Variants in TENM4 observed in about 807,000 individuals in gnomAD.
The protein encoded by TENM4 is teneurin transmembrane protein 4.
A neutral mutation model predicts 243.3 loss-of-function variants in TENM4; 82 were observed. That is an observed-to-expected ratio of 0.34 (90% CI 0.28 to 0.40). The LOEUF is 0.40. Ranked by LOEUF, TENM4 falls within the 10% of genes least tolerant of loss-of-function variation. The pLI is 1.00. For synonymous variants in TENM4, 1,412 were observed against 1,456.3 expected (o/e 0.97, Z 0.69); for missense variants, 3,138 against 3,673.3 (o/e 0.85, Z 3.77).
chr11:79,143,130 G>C (rs1398226924), intron 4 of TENM4, among the ~76,000 whole-genome samples: 2 of 152,078 alleles, frequency 1.3e-5, no homozygotes, highest in African/African-American at 2.4e-5. Context: ...ATTCCTCAAG[G>C]ATCTAGAACT....
At chr11:78,855,884 G>T in intron 11 of TENM4, 80 bp downstream of exon 11, 1 of 1,364,208 alleles carries the variant, frequency 7.3e-7, no homozygotes, top group Non-Finnish European at 1.0e-6. Context: ...TTAAGGCTCT[G>T]GATTGGGCTT....
chr11:78,691,258 C>T (rs2135732175), intron 28 of TENM4, among the ~76,000 whole-genome samples: 1 of 152,342 alleles, frequency 6.6e-6, no homozygotes, highest in South Asian at 2.1e-4. Flanking sequence ...GTTCTGCCAC[C>T]TGCCAGCAGC....
At chr11:78,884,893 T>C (rs1347489404) in intron 9 of TENM4, among the ~76,000 whole-genome samples, 4 of 152,178 alleles carry the variant, frequency 2.6e-5, no homozygotes, top group African/African-American at 2.4e-5. Context: ...TCCTCATCTG[T>C]CAATTGCGAA....
At chr11:79,127,674 G>A (rs949578851) in intron 4 of TENM4, among the ~76,000 whole-genome samples, 1 of 152,156 alleles carries the variant, frequency 6.6e-6, no homozygotes, top group African/African-American at 2.4e-5. Flanking sequence ...GCTTCAGCAG[G>A]ATATCACACT....
intron 4 of TENM4, among the ~76,000 whole-genome samples, chr11:79,084,600 C>A (rs971160887): frequency 6.6e-6 from 1 of 151,916 alleles, no homozygotes; most frequent in Admixed American, 6.6e-5. Context: ...CATAGCCAAT[C>A]GCCAAAGCTT....
intron 6 of TENM4, among the ~76,000 whole-genome samples, chr11:79,024,875 G>A (rs753246935): frequency 1.3e-5 from 2 of 152,214 alleles, no homozygotes; most frequent in Non-Finnish European, 2.9e-5. Flanking sequence ...ACACCAGAAA[G>A]CAATGGGTCT....
At chr11:79,166,682 A>T (rs1862922567) in intron 3 of TENM4, among the ~76,000 whole-genome samples, 1 of 152,246 alleles carries the variant, frequency 6.6e-6, no homozygotes, top group African/African-American at 2.4e-5. Flanking sequence ...TGGGAACTGC[A>T]TTCAGTCGGT....
At chr11:79,066,683 C>T (rs1202668562) in intron 5 of TENM4, among the ~76,000 whole-genome samples, 5 of 150,914 alleles carry the variant, frequency 3.3e-5, no homozygotes, top group Admixed American at 1.3e-4. Context: ...CACACACGCA[C>T]GCATGCACAC....
At chr11:78,841,098 C>A (rs1215543644) in intron 12 of TENM4, among the ~76,000 whole-genome samples, 1 of 152,144 alleles carries the variant, frequency 6.6e-6, no homozygotes, top group African/African-American at 2.4e-5. Context: ...CTATTACATG[C>A]CAGGCACTGT....
Position 79,404,090 on chromosome 11 carries a change from C to T in TENM4, c.-321+36419G>A, listed in dbSNP as rs574163563. On this transcript the variant is annotated intron_variant, in intron 1 of 33. Coordinates refer to ENST00000278550, the MANE Select transcript of TENM4 (RefSeq NM_001098816.3). ...GGACCTTGACCCTCCGCTGAAGCTG[C>T]TGCCCTCATGGCAAAGCTTCTTACA... Among the ~76,000 whole-genome samples, 178 of 152,386 alleles carry T rather than the reference C, an allele frequency of 1.2e-3. 2 individuals carry two copies. Among genetic ancestry groups the T allele is most frequent in the African/African-American group, 4.1e-3 (170 of 41,602 alleles).
At chr11:79,215,977 C>A in intron 2 of TENM4, 68 bp from the exon 3 acceptor site, 1 of 434,356 alleles carries the variant, frequency 2.3e-6, no homozygotes, top group South Asian at 9.6e-5. Context: ...TTCTCACAGA[C>A]CCTCCGCTCC....
intron 27 of TENM4, among the ~76,000 whole-genome samples, chr11:78,704,157 GTCTA>G (rs1293242528): frequency 5.7e-5 from 4 of 70,536 alleles, no homozygotes; most frequent in African/African-American, 2.4e-4. Flanking sequence ...ATGTATGTGT[GTCTA>G]TATATATATA....
At chr11:78,730,167 T>C (rs1309922363) in intron 21 of TENM4, among the ~76,000 whole-genome samples, 1 of 152,194 alleles carries the variant, frequency 6.6e-6, no homozygotes, top group Non-Finnish European at 1.5e-5. Context: ...ATAGGTAAAG[T>C]GCCTAGCACA....
intron 18 of TENM4, among the ~76,000 whole-genome samples, chr11:78,761,461 G>A (rs1454120890): frequency 1.3e-5 from 2 of 151,992 alleles, no homozygotes; most frequent in African/African-American, 2.4e-5. Flanking sequence ...GGATGGTCTC[G>A]ATCTCCTGAC....
intron 3 of TENM4, among the ~76,000 whole-genome samples, chr11:79,183,160 T>C (rs184775878): frequency 6.6e-6 from 1 of 152,302 alleles, no homozygotes; most frequent in East Asian, 1.9e-4. Context: ...GCAACCAAGA[T>C]GTCTTTAAGT....
chr11:78,821,715 G>T (rs1857738198), intron 12 of TENM4, among the ~76,000 whole-genome samples: 1 of 152,172 alleles, frequency 6.6e-6, no homozygotes, highest in South Asian at 2.1e-4. Flanking sequence ...TTACTAAGGG[G>T]GTTATGACAT....
intron 4 of TENM4, among the ~76,000 whole-genome samples, chr11:79,129,180 A>G (rs1861945006): frequency 6.6e-6 from 1 of 152,150 alleles, no homozygotes; most frequent in Non-Finnish European, 1.5e-5. Flanking sequence ...GCTGAGCAAA[A>G]TACAGGGGTA....
intron 15 of TENM4, among the ~76,000 whole-genome samples, chr11:78,787,329 G>T (rs975834400): frequency 6.6e-6 from 1 of 152,194 alleles, no homozygotes; most frequent in Non-Finnish European, 1.5e-5. Context: ...AGCCTGCCCT[G>T]TGCCTGTTTC....
intron 6 of TENM4, among the ~76,000 whole-genome samples, chr11:79,056,263 C>G (rs1423006614): frequency 6.6e-6 from 1 of 152,170 alleles, no homozygotes; most frequent in African/African-American, 2.4e-5. Flanking sequence ...GCACACTCAG[C>G]AGGTCTCAAC....
Sources: gnomAD v4.1 joint callset for allele counts (sites outside exome capture counted in the v4.1 genomes callset) on GRCh38, gnomAD v4.1.1 for gene constraint, MANE v1.5 for transcripts, NCBI Gene and HGNC (gene_info 2026-07-23, HGNC 2026-07-21) for gene names.